Variants in TGFB2 observed in about 807,000 individuals in gnomAD.
TGFB2 encodes transforming growth factor beta-2 proprotein.
Under a neutral mutation model 42.7 loss-of-function variants are expected in TGFB2, and 13 were observed. The ratio of observed to expected loss-of-function variants is 0.30; its 90% CI spans 0.20 to 0.48. The LOEUF is 0.48. Ranked by LOEUF, TGFB2 falls within the 20% of genes least tolerant of loss-of-function variation. The pLI is 0.99. For missense variants in TGFB2, 390 were observed against 517.5 expected, an observed-to-expected ratio of 0.75 and a Z score of 2.39; for synonymous variants, 193 against 193.6, an observed-to-expected ratio of 1.00 and a Z score of 0.03.
rs1003435798 is a variant in TGFB2, at chr1:218,345,812, CAGG to C, written c.-887_-885del. Reference sequence around the variant, plus strand: ...GCGTTTGGAGCAAGAGAAGGAGGAGCAGGAGAAGGAGGGAGCTGGAGGCTGGAA... The same window carrying C: ...GCGTTTGGAGCAAGAGAAGGAGGAGCAGAAGGAGGGAGCTGGAGGCTGGAA... On this transcript the variant is annotated 5_prime_UTR_variant, in exon 1 of 7. Coordinates refer to ENST00000366930, the MANE Select transcript of TGFB2 (RefSeq NM_003238.6). 1 of 152,760 alleles carries C rather than the reference CAGG, an allele frequency of 6.5e-6. No individual in the cohort carries two copies. Among genetic ancestry groups the C allele is most frequent in the South Asian group, 2.1e-4 (1 of 4,836 alleles). 9.5% of individuals were successfully genotyped at this position (152,760 alleles called of 1,614,324 possible).
chr1:218,438,868 G>A (rs1162961301), intron 6 of TGFB2, among the ~76,000 whole-genome samples: 2 of 152,146 alleles, frequency 1.3e-5, no homozygotes, highest in African/African-American at 2.4e-5. Flanking sequence ...CAGCACTTCG[G>A]GAGGCCGAGG....
At chr1:218,353,013 GC>G (rs1477090942) in intron 1 of TGFB2, among the ~76,000 whole-genome samples, 2 of 152,312 alleles carry the variant, frequency 1.3e-5, no homozygotes, top group East Asian at 3.9e-4. Context: ...GGTCTTCTTT[GC>G]CTGGCAGCAA....
rs376560786 is a variant in TGFB2 at position 218,434,067 on chromosome 1, CT to C, written c.511-10del. The C allele has an allele frequency of 7.2e-5, 116 of 1,612,584 alleles. 1 individual carries two copies. Among genetic ancestry groups the C allele is most frequent in the Middle Eastern group, 6.6e-4 (4 of 6,054 alleles). On this transcript the variant is annotated splice_polypyrimidine_tract_variant and intron_variant, in intron 2 of 6. Coordinates refer to ENST00000366930, the MANE Select transcript of TGFB2 (RefSeq NM_003238.6). ...TGCCAACTCAGCCTTTTCTCTTGCT[CT>C]TTTTCCCCTCCAGATTCTCAAGTCC...
chr1:218,390,795 G>A (rs574319366), intron 1 of TGFB2, among the ~76,000 whole-genome samples: 3 of 152,276 alleles, frequency 2.0e-5, no homozygotes, highest in Non-Finnish European at 2.9e-5. Flanking sequence ...TCATGCCACA[G>A]TTCATCTGGA....
intron 1 of TGFB2, among the ~76,000 whole-genome samples, chr1:218,380,426 A>C (rs1657921099): frequency 6.6e-6 from 1 of 152,192 alleles, no homozygotes. Flanking sequence ...AACAGTAATC[A>C]GCATGCAAAG....
At chr1:218,382,235 A>T (rs1657990011) in intron 1 of TGFB2, among the ~76,000 whole-genome samples, 1 of 152,246 alleles carries the variant, frequency 6.6e-6, no homozygotes, top group South Asian at 2.1e-4. Context: ...AAATATAAGT[A>T]GAAAAAATAT....
chr1:218,414,363 C>A (rs1659204256), intron 2 of TGFB2, among the ~76,000 whole-genome samples: 1 of 151,988 alleles, frequency 6.6e-6, no homozygotes, highest in Admixed American at 6.5e-5. Flanking sequence ...ATGCTACTGA[C>A]AAACAAACAA....
chr1:218,348,240 A>G (rs1462007545), intron 1 of TGFB2, among the ~76,000 whole-genome samples: 1 of 151,968 alleles, frequency 6.6e-6, no homozygotes, highest in Non-Finnish European at 1.5e-5. Flanking sequence ...TTGGTTGCTC[A>G]TTTCTCTCCT....
chr1:218,382,660 T>C (rs1390148177), intron 1 of TGFB2, among the ~76,000 whole-genome samples: 1 of 152,242 alleles, frequency 6.6e-6, no homozygotes, highest in Non-Finnish European at 1.5e-5. Context: ...ACTGGACATT[T>C]GGACACATAG....
At chr1:218,440,455 G>T (rs1160838645) in intron 6 of TGFB2, among the ~76,000 whole-genome samples, 1 of 151,720 alleles carries the variant, frequency 6.6e-6, no homozygotes, top group Non-Finnish European at 1.5e-5. Flanking sequence ...AAAGAAACAG[G>T]GTCTGGGTCT....
At chr1:218,347,701 C>T (rs1468863234) in intron 1 of TGFB2, among the ~76,000 whole-genome samples, 1 of 152,166 alleles carries the variant, frequency 6.6e-6, no homozygotes, top group Non-Finnish European at 1.5e-5. Flanking sequence ...ATCCTATAAC[C>T]ACGTTCCCTT....
intron 1 of TGFB2, among the ~76,000 whole-genome samples, chr1:218,399,840 C>A (rs1000322551): frequency 2.0e-5 from 3 of 152,038 alleles, no homozygotes; most frequent in African/African-American, 7.3e-5. Flanking sequence ...GACCACCTGG[C>A]AGTTCTGTTA....
At chr1:218,440,778 G>T (rs1402631602) in intron 6 of TGFB2, among the ~76,000 whole-genome samples, 2 of 152,178 alleles carry the variant, frequency 1.3e-5, no homozygotes, top group Non-Finnish European at 2.9e-5. Context: ...ATCTAGATGG[G>T]ATTGAAATGT....
At chr1:218,389,924 T>C (rs1313162419) in intron 1 of TGFB2, among the ~76,000 whole-genome samples, 1 of 152,228 alleles carries the variant, frequency 6.6e-6, no homozygotes, top group Non-Finnish European at 1.5e-5. Context: ...CCACTGACTT[T>C]AGGATATACT....
intron 1 of TGFB2, among the ~76,000 whole-genome samples, chr1:218,399,294 A>C (rs1658633383): frequency 6.6e-6 from 1 of 152,234 alleles, no homozygotes; most frequent in Admixed American, 6.5e-5. Flanking sequence ...GTACGTTTTC[A>C]AAGGGGATGG....
chr1:218,355,807 C>T (rs1249921135), intron 1 of TGFB2, among the ~76,000 whole-genome samples: 1 of 152,142 alleles, frequency 6.6e-6, no homozygotes, highest in Admixed American at 6.6e-5. Context: ...AATATCACTG[C>T]CCATTTAACT....
chr1:218,385,394 C>G (rs1487954886), intron 1 of TGFB2, among the ~76,000 whole-genome samples: 1 of 152,200 alleles, frequency 6.6e-6, no homozygotes, highest in African/African-American at 2.4e-5. Context: ...TTGAGCTTGA[C>G]GAAAGCCTGT....
rs1320071048 is a variant in TGFB2 at position 218,345,935 on chromosome 1, A to C, written c.-767A>C. On this transcript the variant is annotated 5_prime_UTR_variant, in exon 1 of 7. Coordinates refer to ENST00000366930, the MANE Select transcript of TGFB2 (RefSeq NM_003238.6). ...GGCCACGGAGCGCAGCTCCCAGAGC[A>C]GGATCCGCGCCGCCTCAGCAGCCTC... Among the ~76,000 whole-genome samples the C allele has an allele frequency of 6.6e-6, 1 of 151,966 alleles. No individual in the cohort carries two copies. The highest frequency in any genetic ancestry group is 2.0e-4 in the East Asian group (1 of 5,126).
At chr1:218,430,992 T>G (rs892872550) in intron 2 of TGFB2, among the ~76,000 whole-genome samples, 2 of 152,226 alleles carry the variant, frequency 1.3e-5, no homozygotes, top group Admixed American at 1.3e-4. Flanking sequence ...CTGTTTCCTG[T>G]TTCCACTAAG....
Sources: allele counts gnomAD v4.1 joint callset (sites outside exome capture counted in the v4.1 genomes callset), GRCh38; gene constraint gnomAD v4.1.1; transcripts MANE v1.5; gene names NCBI Gene and HGNC (gene_info 2026-07-23, HGNC 2026-07-21).